The following ANK1 variants were observed in gnomAD, a reference collection of about 807,000 sequenced individuals.
The protein encoded by ANK1 is ankyrin-1.
A neutral mutation model predicts 210.4 loss-of-function variants in ANK1; 51 were observed. The ratio of observed to expected loss-of-function variants is 0.24; its 90% CI spans 0.19 to 0.31. ANK1 has a LOEUF of 0.31. Ranked by LOEUF, ANK1 falls within the 10% of genes least tolerant of loss-of-function variation. The probability of loss-of-function intolerance (pLI) is 1.00; values close to 1 mark genes in which losing one functional copy is unlikely to be tolerated. For synonymous variants in ANK1, 967 were observed against 1,025.9 expected (o/e 0.94, Z 1.10); for missense variants, 2,051 against 2,504.4 (o/e 0.82, Z 3.86).
At chr8:41,805,085 G>A (rs370727581) in intron 1 of ANK1, among the ~76,000 whole-genome samples, 73 of 140,314 alleles carry the variant, frequency 5.2e-4, no homozygotes, top group Non-Finnish European at 9.7e-4. Context: ...TGTGTGTGTC[G>A]TGTGTGTGTG....
In ANK1 at chr8:41,724,329, A is replaced by G. The variant is rs4737007; in HGVS notation, c.711+127T>C. 1,111 of 818,998 alleles carry G rather than the reference A, an allele frequency of 1.4e-3. 17 individuals carry two copies. The Admixed American group carries it at 0.021, about 15-fold the overall frequency. 50.7% of individuals were successfully genotyped at this position (818,998 alleles called of 1,614,324 possible). ...CAGAAACCTGCCAGCAAGGAGCCCG[A>G]CCAGACAGCAGGGCTGTTTAACCCA... On this transcript the variant is annotated intron_variant, in intron 7 of 42. Transcript: ENST00000289734.
At chr8:41,790,356 A>T (rs1282886740) in intron 1 of ANK1, among the ~76,000 whole-genome samples, 1 of 152,118 alleles carries the variant, frequency 6.6e-6, no homozygotes, top group African/African-American at 2.4e-5. Flanking sequence ...CATGTTGGCC[A>T]TGCTGGTCTC....
In ANK1 at chr8:41,674,628, A is replaced by G. The variant is rs28675175; in HGVS notation, c.4538-1716T>C. On this transcript the variant is annotated intron_variant, in intron 37 of 42. Coordinates refer to ENST00000289734, the MANE Select transcript of ANK1 (RefSeq NM_000037.4). The stretch of plus-strand genomic sequence containing the variant: ...ACATTCAGTGGAACTGCAATTGCTA[A>G]CATGTACCTGTGTGTTCAACGTGCC... Among the ~76,000 whole-genome samples the G allele has an allele frequency of 1.8e-3, 277 of 152,364 alleles. 1 individual carries two copies. The highest frequency in any genetic ancestry group is 6.2e-3 in the African/African-American group (259 of 41,576).
At chr8:41,734,169 A>C in intron 2 of ANK1, 100 bp from the exon 3 acceptor site, 1 of 1,026,028 alleles carries the variant, frequency 9.7e-7, no homozygotes, top group Admixed American at 1.7e-5. Flanking sequence ...TGAGGTGTTC[A>C]CAGCACTGGA....
In ANK1 at chr8:41,694,827, C is replaced by G. The variant is rs1409929504; in HGVS notation, c.3116-24G>C. On this transcript the variant is annotated intron_variant, in intron 27 of 42. Coordinates refer to ENST00000289734, the MANE Select transcript of ANK1 (RefSeq NM_000037.4). The surrounding 1 kb of genome is among the most constrained non-coding windows in gnomAD (Gnocchi z 5.7). Reference sequence around the variant, plus strand: ...CTCTGGAATCACACACACAGGCCACCACCCCGGTCACATCAGGCACAGGTT... The same window carrying G: ...CTCTGGAATCACACACACAGGCCACGACCCCGGTCACATCAGGCACAGGTT... 8 of 1,611,136 alleles carry G rather than the reference C, an allele frequency of 5.0e-6. No homozygotes were observed. The highest frequency in any genetic ancestry group is 6.8e-6 in the Non-Finnish European group (8 of 1,178,080).
At chr8:41,665,910 AG>A (rs1177429854) in intron 39 of ANK1, 1 of 152,452 alleles carries the variant, frequency 6.6e-6, no homozygotes, top group African/African-American at 2.4e-5. Flanking sequence ...CCCACTGAGC[AG>A]GAACAACGCG....
intron 1 of ANK1, among the ~76,000 whole-genome samples, chr8:41,808,356 C>G (rs1489493021): frequency 7.2e-5 from 11 of 152,246 alleles, no homozygotes; most frequent in Admixed American, 6.5e-4. Context: ...GGCCATGGAA[C>G]CTGGGACATG....
chr8:41,683,801 C>T (rs932496926), intron 37 of ANK1, among the ~76,000 whole-genome samples: 47 of 152,086 alleles, frequency 3.1e-4, no homozygotes, highest in African/African-American at 1.1e-3. Context: ...AGAGAGGGGG[C>T]GGGCGAGGAA....
At chr8:41,763,866 C>CT (rs1841035906) in intron 1 of ANK1, among the ~76,000 whole-genome samples, 1 of 116,676 alleles carries the variant, frequency 8.6e-6, no homozygotes, top group Admixed American at 9.0e-5. Context: ...TTCTTTCTTT[C>CT]TTCTTTCTTT....
chr8:41,676,431 AGTT>A (rs1814183189), intron 37 of ANK1, among the ~76,000 whole-genome samples: 1 of 152,210 alleles, frequency 6.6e-6, no homozygotes, highest in Non-Finnish European at 1.5e-5. Context: ...CTAAAAACTG[AGTT>A]GTTTTCTTAT....
chr8:41,757,364 C>A (rs943229473), intron 2 of ANK1, among the ~76,000 whole-genome samples: 1 of 152,200 alleles, frequency 6.6e-6, no homozygotes, highest in African/African-American at 2.4e-5. Flanking sequence ...AATCCACAAG[C>A]CCAAGCCACA....
At chr8:41,884,430 G>A (rs1818098071) in intron 1 of ANK1, among the ~76,000 whole-genome samples, 1 of 152,248 alleles carries the variant, frequency 6.6e-6, no homozygotes, top group Non-Finnish European at 1.5e-5. Flanking sequence ...CAGTGGCAGA[G>A]TGGGAAGGGA....
chr8:41,670,178 G>T (rs141899398), intron 38 of ANK1, among the ~76,000 whole-genome samples: 304 of 152,044 alleles, frequency 2.0e-3, no homozygotes, highest in African/African-American at 7.1e-3. Context: ...TTTCTAGTTA[G>T]TTTCCCTGCT....
intron 3 of ANK1, among the ~76,000 whole-genome samples, chr8:41,730,006 T>A (rs934065224): frequency 2.0e-5 from 3 of 152,222 alleles, no homozygotes; most frequent in Admixed American, 2.0e-4. Flanking sequence ...AACAACCTCA[T>A]TTTTAGAGTT....
rs145235970 is a variant in ANK1, at chr8:41,661,495, G to A, written c.5614C>T (p.Arg1872Trp). 2.7e-4 allele frequency: 441 copies of A among 1,613,964 alleles called. No individual in the cohort carries two copies. Among genetic ancestry groups the A allele is most frequent in the Admixed American group, 4.8e-4 (29 of 60,034 alleles). The change falls in exon 42 of 43, where the codon CGG becomes TGG. Residue 1872 changes from arginine to tryptophan, a missense_variant. By Grantham distance (101) the Arg-to-Trp change is moderately radical. This residue lies in a region of ANK1 where 496 missense variants were observed against 533.4 expected (regional missense o/e 0.93). Transcript: ENST00000289734. ...EGRKGAQIVK[R>W]ASLKRGKQ The stretch of plus-strand genomic sequence containing the variant: ...TGTTTCCCCCTTTTCAGGCTGGCCC[G>A]CTTCACTATCTGCGCCCCCTTCCTG...
chr8:41,696,882 C>T (rs1563466241), intron 24 of ANK1, 109 bp from the exon 25 acceptor site: 7 of 1,097,108 alleles, frequency 6.4e-6, no homozygotes, highest in South Asian at 5.3e-5. Context: ...CCAGGTGCCA[C>T]GTGGAGAAAG....
chr8:41,896,076 G>C (rs566292506), intron 1 of ANK1, among the ~76,000 whole-genome samples: 2 of 152,370 alleles, frequency 1.3e-5, no homozygotes, highest in Admixed American at 6.5e-5. Context: ...TGTCCAAGGT[G>C]CTGAAAGGTC....
At chr8:41,669,843 G>C (rs575458463) in intron 38 of ANK1, among the ~76,000 whole-genome samples, 1 of 152,314 alleles carries the variant, frequency 6.6e-6, no homozygotes, top group African/African-American at 2.4e-5. Flanking sequence ...GGCAGGTGCA[G>C]CTTACCCTGC....
chr8:41,655,859 C>T lies in ANK1; in HGVS notation c.*37-106G>A, dbSNP rs575862130. ...TGCTGGCAGCTCAGGCCGAATCTGA[C>T]TCAGGAAAAGCAGTCTCCCCAGGCA... On this transcript the variant is annotated intron_variant, in intron 42 of 42. Coordinates refer to ENST00000289734, the MANE Select transcript of ANK1 (RefSeq NM_000037.4). The T allele has an allele frequency of 8.9e-6, 12 of 1,344,500 alleles. No individual in the cohort carries two copies. The African/African-American group carries it at 1.1e-4, about 13-fold the overall frequency. The allele number at this position is 1,344,500 out of a possible 1,614,324, so 83.3% of individuals were successfully genotyped here. A position where few individuals can be genotyped will look rare whatever the true frequency, so the allele number is the denominator to read the frequency against.
Sources: allele counts gnomAD v4.1 joint callset (sites outside exome capture counted in the v4.1 genomes callset), GRCh38; gene constraint gnomAD v4.1.1; regional missense constraint gnomAD v4.1.1; non-coding constraint Gnocchi (gnomAD v3.1); transcripts MANE v1.5; gene names NCBI Gene and HGNC (gene_info 2026-07-23, HGNC 2026-07-21).